The following EBF4 variants were observed in gnomAD, a reference collection of about 807,000 sequenced individuals.
EBF4 encodes the protein transcription factor COE4.
EBF4 carries 34 observed loss-of-function variants against 67.1 expected under a neutral mutation model. That is an observed-to-expected ratio of 0.51 (90% CI 0.39 to 0.67). The LOEUF (loss-of-function observed/expected upper bound fraction) is 0.67. Among genes scored for constraint, EBF4 ranks in the 30% least tolerant of loss-of-function variants. The probability of loss-of-function intolerance (pLI) is 0.00; values close to 1 mark genes in which losing one functional copy is unlikely to be tolerated. For synonymous variants in EBF4, 387 were observed against 377.7 expected (o/e 1.02, Z -0.29); for missense variants, 837 against 873.3 (o/e 0.96, Z 0.52).
At chr20:2,705,539 G>A in intron 1 of EBF4, 38 bp from the exon 2 acceptor site, 1 of 1,551,588 alleles carries the variant, frequency 6.4e-7, no homozygotes, top group Non-Finnish European at 8.7e-7. Flanking sequence ...CTCACTGGGG[G>A]GCCTTCCAGT....
intron 6 of EBF4, among the ~76,000 whole-genome samples, chr20:2,721,464 C>CA (rs2087679974): frequency 6.6e-6 from 1 of 150,528 alleles, no homozygotes; most frequent in Non-Finnish European, 1.5e-5. Flanking sequence ...CTCTAAGTTT[C>CA]TTTTTTTTTA....
chr20:2,738,766 CA>C (rs1177252657), intron 6 of EBF4, among the ~76,000 whole-genome samples: 1 of 152,200 alleles, frequency 6.6e-6, no homozygotes, highest in African/African-American at 2.4e-5. Context: ...ACATGTTAAT[CA>C]AATTACTTAG....
chr20:2,752,378 G>A, exon 14 of EBF4: 9 of 1,239,742 alleles, frequency 7.3e-6, no homozygotes, highest in Non-Finnish European at 9.1e-6. Context: ...AGCTGCAGCA[G>A]CGCGTCCCCC....
At chr20:2,710,809 A>G (rs575295582) in intron 6 of EBF4, among the ~76,000 whole-genome samples, 2 of 152,232 alleles carry the variant, frequency 1.3e-5, no homozygotes, top group East Asian at 1.9e-4. Context: ...CAAAATAGTT[A>G]TATGTTCTTT....
At chr20:2,706,122 C>T (rs2087454296) in intron 3 of EBF4, 85 bp downstream of exon 3, 2 of 1,548,806 alleles carry the variant, frequency 1.3e-6, no homozygotes, top group Non-Finnish European at 1.7e-6. Context: ...CCCCCTGTGC[C>T]AGGGCTGGGG....
exon 14 of EBF4, chr20:2,752,367 C>T: frequency 2.4e-6 from 3 of 1,226,308 alleles, no homozygotes; most frequent in Non-Finnish European, 3.0e-6. Flanking sequence ...GCTACGCGCG[C>T]AGCTGCAGCA....
At chr20:2,694,722 T>C (rs115380666) in intron 1 of EBF4, among the ~76,000 whole-genome samples, 59 of 152,224 alleles carry the variant, frequency 3.9e-4, no homozygotes, top group African/African-American at 1.3e-3. Context: ...AATGGGGGGC[T>C]TAATGCAGAC....
At position 2,711,148 on chromosome 20, in the gene EBF4, A is replaced by AAATAATAATAATAATAATAATAAT. The variant is rs144765250; in HGVS notation, c.557+1515_557+1538dup. 2.9e-4 allele frequency among the ~76,000 whole-genome samples: 42 copies of AAATAATAATAATAATAATAATAAT among 146,830 alleles called. 1 individual carries two copies. The highest frequency in any genetic ancestry group is 1.0e-3 in the African/African-American group (40 of 39,666). ...GGGCAACAGAGTGAGACCCTGTCTA[A>AAATAATAATAATAATAATAATAAT]AATAATAATAATAATAATAATAATA... On this transcript the variant is annotated intron_variant, in intron 6 of 16. Transcript: ENST00000609451.
rs899005503 is a variant in EBF4 at position 2,745,396 on chromosome 20, T to C, written c.558-3153T>C. ...CCTCAGCCCCCACTGCAGGCCATGG[T>C]CTTGTGCAGCTGCTTTTACTCACCC... is the stretch of plus-strand genomic sequence containing the variant. On this transcript the variant is annotated intron_variant, in intron 6 of 16. Transcript: ENST00000609451. The surrounding 1 kb of genome is among the most constrained non-coding windows in gnomAD (Gnocchi z 5.2). Among the ~76,000 whole-genome samples the C allele has an allele frequency of 6.6e-6, 1 of 152,126 alleles. No homozygotes were observed. Among genetic ancestry groups the C allele is most frequent in the Non-Finnish European group, 1.5e-5 (1 of 68,010 alleles).
rs1228917988 is a variant in EBF4, at chr20:2,749,984, G to T, written c.1018+11G>T. 1.3e-6 allele frequency: 2 copies of T among 1,545,284 alleles called. No homozygotes were observed. The highest frequency in any genetic ancestry group is 1.4e-5 in the African/African-American group (1 of 73,042). ...GCTTTGTCTACACAGGTAAGGAGTC[G>T]GGCGGGGGAGTGGAGGTCTAAGGTG... On this transcript the variant is annotated intron_variant, in intron 10 of 16. Coordinates refer to ENST00000609451, the Ensembl canonical transcript of EBF4.
chr20:2,709,503 C>G, intron 5 of EBF4, 71 bp from the exon 6 acceptor site: 1 of 1,436,178 alleles, frequency 7.0e-7, no homozygotes, highest in Non-Finnish European at 9.3e-7. Flanking sequence ...GCGCCCCCCA[C>G]AACTCACACA....
intron 6 of EBF4, among the ~76,000 whole-genome samples, chr20:2,741,568 TTTTCATTTC>T (rs2087969089): frequency 6.6e-6 from 1 of 152,230 alleles, no homozygotes; most frequent in Middle Eastern, 3.2e-3. Context: ...AAGACGTTTC[TTTTCATTTC>T]ATCTTGAGCT....
At chr20:2,704,250 C>T (rs1214806546) in intron 1 of EBF4, among the ~76,000 whole-genome samples, 1 of 152,094 alleles carries the variant, frequency 6.6e-6, no homozygotes, top group South Asian at 2.1e-4. Flanking sequence ...ATGCAGAGCA[C>T]CAGCCCTAGC....
intron 1 of EBF4, among the ~76,000 whole-genome samples, chr20:2,699,424 T>G (rs144012063): frequency 1.5e-3 from 224 of 152,282 alleles, no homozygotes; most frequent in African/African-American, 4.9e-3. Context: ...CTCCTTTAAT[T>G]TTCGGTCTAT....
chr20:2,697,482 T>C (rs2087311281), intron 1 of EBF4, among the ~76,000 whole-genome samples: 1 of 151,358 alleles, frequency 6.6e-6, no homozygotes. Flanking sequence ...GAGGCGGAGC[T>C]TGCAGTGAGC....
intron 6 of EBF4, among the ~76,000 whole-genome samples, chr20:2,723,501 C>T (rs2087710197): frequency 1.3e-5 from 2 of 152,044 alleles, no homozygotes; most frequent in South Asian, 2.1e-4. Context: ...CAGGCGCCGC[C>T]ACCACGCCCG....
At chr20:2,727,365 T>C (rs2087759432) in intron 6 of EBF4, among the ~76,000 whole-genome samples, 1 of 152,178 alleles carries the variant, frequency 6.6e-6, no homozygotes, top group Non-Finnish European at 1.5e-5. Flanking sequence ...ATGCAGGGAT[T>C]GGCCAGGTTC....
rs1223795674 is a variant in EBF4, at chr20:2,747,796, A to G, written c.558-753A>G. 2.0e-5 allele frequency among the ~76,000 whole-genome samples: 3 copies of G among 152,182 alleles called. No individual in the cohort carries two copies. The highest frequency in any genetic ancestry group is 7.2e-5 in the African/African-American group (3 of 41,434). On this transcript the variant is annotated intron_variant, in intron 6 of 16. Transcript: ENST00000609451. The surrounding 1 kb of genome is among the most constrained non-coding windows in gnomAD (Gnocchi z 4.6). ...GTGTATTTCCTATTTCTCTGTGCAT[A>G]TACTGTGTAGGGTGGGCATACACCG...
exon 13 of EBF4, chr20:2,752,235 C>T: frequency 1.5e-6 from 2 of 1,328,088 alleles, no homozygotes; most frequent in Admixed American, 3.3e-5. Flanking sequence ...CCATCGCCGT[C>T]GGGGACGCCA....
Sources: allele counts gnomAD v4.1 joint callset (sites outside exome capture counted in the v4.1 genomes callset), GRCh38; gene constraint gnomAD v4.1.1; non-coding constraint Gnocchi (gnomAD v3.1); transcripts MANE v1.5; gene names NCBI Gene and HGNC (gene_info 2026-07-23, HGNC 2026-07-21).